The following ZNF343 variants were observed in gnomAD, a reference collection of about 807,000 sequenced individuals.
ZNF343 encodes zinc finger protein 343.
ZNF343 carries 11 observed loss-of-function variants against 13.8 expected under a neutral mutation model. The ratio of observed to expected loss-of-function variants is 0.80; its 90% CI spans 0.50 to 1.32. The LOEUF (loss-of-function observed/expected upper bound fraction) is 1.32, where lower values mean the gene tolerates loss of function less well. ZNF343 is among the 40% of genes most tolerant of loss of function. ZNF343 has a pLI of 0.00. For missense variants in ZNF343, 658 were observed against 714.2 expected (o/e 0.92, Z 0.90); for synonymous variants, 248 against 260.0 (o/e 0.95, Z 0.44).
chr20:2,498,813 G>A (rs1547065), intron 2 of ZNF343, among the ~76,000 whole-genome samples: 64,251 of 151,882 alleles, frequency 0.42, 13,841 homozygotes, highest in Non-Finnish European at 0.46. Context: ...AATGTCTCCA[G>A]GGTTACACAG....
In ZNF343 at chr20:2,484,069, C is replaced by T; in HGVS notation, c.892G>A (p.Val298Met). 2 of 1,614,214 alleles carry T rather than the reference C, an allele frequency of 1.2e-6. No individual in the cohort carries two copies. Among genetic ancestry groups the T allele is most frequent in the Non-Finnish European group, 1.7e-6 (2 of 1,180,038 alleles). Reference sequence around the variant, plus strand: ...AAACCTCGCCCGCACTCACTGCACACATAAGGCTTCTCCATCGAGTGTATA... The same window carrying T: ...AAACCTCGCCCGCACTCACTGCACATATAAGGCTTCTCCATCGAGTGTATA... The part of the protein sequence containing the change: ...HRIHSMEKPY[V>M]CSECGRGFSQ... Residue 298 changes from valine (V) to methionine (M), a missense_variant, in exon 6 of 6, where the codon GTG becomes ATG. Transcript: ENST00000278772.
chr20:2,509,249 G>A (rs1376175621), upstream of ZNF343: 2 of 152,244 alleles, frequency 1.3e-5, no homozygotes, highest in Non-Finnish European at 2.9e-5. Context: ...TGTCAGGCGT[G>A]TGTTGGGTAC....
At chr20:2,523,109 G>A (rs998333030) in intron 1 of ZNF343, among the ~76,000 whole-genome samples, 4 of 152,332 alleles carry the variant, frequency 2.6e-5, no homozygotes, top group African/African-American at 9.6e-5. Flanking sequence ...AATGAACTCT[G>A]GTTGTCCTCA....
chr20:2,486,908 A>AGAAATATTTTCT (rs2085290264), intron 5 of ZNF343: 1 of 152,222 alleles, frequency 6.6e-6, no homozygotes, highest in Non-Finnish European at 1.5e-5. Flanking sequence ...TTTTCTGTAA[A>AGAAATATTTTCT]GAACCAGAGT....
chr20:2,485,339 A>C (rs1279974913), intron 5 of ZNF343, among the ~76,000 whole-genome samples: 1 of 152,144 alleles, frequency 6.6e-6, no homozygotes, highest in Non-Finnish European at 1.5e-5. Flanking sequence ...TAAAAAGAAA[A>C]ACTTTTCATT....
At chr20:2,499,249 A>G in intron 2 of ZNF343, among the ~76,000 whole-genome samples, 1 of 148,234 alleles carries the variant, frequency 6.7e-6, no homozygotes, top group Non-Finnish European at 1.5e-5. Flanking sequence ...GCGGATCACG[A>G]GGTCAGGAGA....
upstream of ZNF343, among the ~76,000 whole-genome samples, chr20:2,509,689 A>G (rs1012458437): frequency 1.3e-5 from 2 of 152,142 alleles, no homozygotes; most frequent in African/African-American, 2.4e-5. Context: ...ATATATTTTA[A>G]AACTAATAAT....
intron 1 of ZNF343, among the ~76,000 whole-genome samples, chr20:2,501,218 A>G (rs572325874): frequency 6.6e-6 from 1 of 152,268 alleles, no homozygotes; most frequent in South Asian, 2.1e-4. Context: ...TTGCTAGCAC[A>G]GCAGTCTGAG....
rs200206028 is a variant in ZNF343 at position 2,519,723 on chromosome 20, C to CT, written c.-347+4731dup. Among the ~76,000 whole-genome samples the CT allele has an allele frequency of 9.0e-3, 1,376 of 152,326 alleles. 23 individuals are homozygous for CT. Among genetic ancestry groups the CT allele is most frequent in the African/African-American group, 0.031 (1,274 of 41,576 alleles). ...CAGCTTGGTTTCATCTAAATATGCT[C>CT]TAACACACAATGGACATTTCATTTG... is the stretch of plus-strand genomic sequence containing the variant. On this transcript the variant is annotated intron_variant, in intron 1 of 6. Coordinates refer to the ZNF343 transcript ENST00000358413.
rs1437505485 is a variant in ZNF343, at chr20:2,493,589, AAAAG to A, written c.119-16_119-13del. The A allele has an allele frequency of 6.2e-7, 1 of 1,610,956 alleles. No individual in the cohort carries two copies. Among genetic ancestry groups the A allele is most frequent in the Non-Finnish European group, 8.5e-7 (1 of 1,178,160 alleles). On this transcript the variant is annotated splice_polypyrimidine_tract_variant and intron_variant, in intron 3 of 5. Coordinates refer to ENST00000278772, the MANE Select transcript of ZNF343 (RefSeq NM_024325.6). Reference sequence around the variant, plus strand: ...ATTAGAAGGCAAGCCTAGGGAAAGAAAAAGAAGCTATGAGAAACCAGACCCCCCC... The same window carrying A: ...ATTAGAAGGCAAGCCTAGGGAAAGAAAAGCTATGAGAAACCAGACCCCCCC...
chr20:2,517,675 A>T (rs973970263), intron 1 of ZNF343, among the ~76,000 whole-genome samples: 5 of 145,602 alleles, frequency 3.4e-5, no homozygotes, highest in Non-Finnish European at 4.5e-5. Context: ...CTAGTTATTA[A>T]TTTTTTTTTT....
At chr20:2,519,360 C>G (rs2085773167) in intron 1 of ZNF343, among the ~76,000 whole-genome samples, 1 of 152,202 alleles carries the variant, frequency 6.6e-6, no homozygotes, top group African/African-American at 2.4e-5. Flanking sequence ...TCACTCTGGT[C>G]CTAACCATGA....
At chr20:2,512,160 G>C (rs2085741809), upstream of ZNF343, among the ~76,000 whole-genome samples, 1 of 152,212 alleles carries the variant, frequency 6.6e-6, no homozygotes, top group Non-Finnish European at 1.5e-5. Flanking sequence ...ATTGCTGAAA[G>C]AAATTGTGTA....
At chr20:2,500,468 T>A (rs11905338) in intron 2 of ZNF343, among the ~76,000 whole-genome samples, 188 bp downstream of exon 2, 137 of 152,310 alleles carry the variant, frequency 9.0e-4, no homozygotes, top group African/African-American at 3.2e-3. Flanking sequence ...AGAGTACCAG[T>A]CTGGGGTAAT....
At chr20:2,501,116 T>C (rs2085557101) in intron 1 of ZNF343, among the ~76,000 whole-genome samples, 1 of 152,168 alleles carries the variant, frequency 6.6e-6, no homozygotes. Flanking sequence ...ACCCTAATAC[T>C]GCGCTTTTCC....
chr20:2,484,347 C>T lies in ZNF343; in HGVS notation c.614G>A (p.Arg205Lys). The change falls in exon 6 of 6, where the codon AGA becomes AAA. Residue 205 changes from arginine to lysine, a missense_variant. By Grantham distance (26) the Arg-to-Lys change is conservative (BLOSUM62 2). Coordinates refer to ENST00000278772, the MANE Select transcript of ZNF343 (RefSeq NM_024325.6). ...TGTTTCTACCACCATGTTGCCTTTT[C>T]TAGGACTTGCTGACTGTCTTTGGAG... is the stretch of plus-strand genomic sequence containing the variant. ...SPLQRQSASP[R>K]KGNMVVETEP... 1 of 1,614,222 alleles carries T rather than the reference C, an allele frequency of 6.2e-7. No homozygotes were observed.
Position 2,493,552 on chromosome 20 carries a change from G to A in ZNF343, c.144C>T (p.Cys48=), listed in dbSNP as rs1427142673. The stretch of plus-strand genomic sequence containing the variant: ...GGGCCTTTCCCTCCTTTTTCTGGGG[G>A]CAGTCAGTATCATTAGAAGGCAAGC... ...AKGLPSNDTD[C]PQKKEGKAQI... is the part of the protein sequence containing the mutation. Residue 48 remains cysteine, a synonymous_variant, in exon 4 of 6, where the codon TGC becomes TGT. Transcript: ENST00000278772. The A allele has an allele frequency of 6.2e-7, 1 of 1,613,534 alleles. No individual in the cohort carries two copies. The highest frequency in any genetic ancestry group is 1.1e-5 in the South Asian group (1 of 91,042).
intron 1 of ZNF343, among the ~76,000 whole-genome samples, chr20:2,507,556 A>G (rs1367234826): frequency 6.6e-6 from 1 of 152,218 alleles, no homozygotes; most frequent in Non-Finnish European, 1.5e-5. Flanking sequence ...CATGAGTTCT[A>G]CACCTTCCTC....
At chr20:2,485,507 T>C (rs1311331837) in intron 5 of ZNF343, among the ~76,000 whole-genome samples, 1 of 152,228 alleles carries the variant, frequency 6.6e-6, no homozygotes, top group Non-Finnish European at 1.5e-5. Flanking sequence ...CTGGAATCTT[T>C]ATAATCAACT....
Sources: gnomAD v4.1 joint callset for allele counts (sites outside exome capture counted in the v4.1 genomes callset) on GRCh38, gnomAD v4.1.1 for gene constraint, MANE v1.5 for transcripts, NCBI Gene and HGNC (gene_info 2026-07-23, HGNC 2026-07-21) for gene names.